CECR2: variants seen among roughly 807,000 people sequenced by gnomAD.
CECR2 encodes the protein CECR2 histone acetyl-lysine reader, also known as chromatin remodeling regulator CECR2.
CECR2 carries 30 observed loss-of-function variants against 154.5 expected under a neutral mutation model. That is an observed-to-expected ratio of 0.19 (90% CI 0.15 to 0.26). The LOEUF is 0.26. CECR2 is among the 10% of genes least tolerant of loss of function. The pLI, the probability that CECR2 is intolerant of heterozygous loss-of-function variation, is 1.00. For missense variants in CECR2, 1,743 were observed against 1,829.3 expected, an observed-to-expected ratio of 0.95 and a Z score of 0.86; for synonymous variants, 725 against 683.7, an observed-to-expected ratio of 1.06 and a Z score of -0.94.
intron 1 of CECR2, among the ~76,000 whole-genome samples, chr22:17,454,836 TAAAG>T (rs1319811709): frequency 6.6e-6 from 1 of 152,188 alleles, no homozygotes; most frequent in African/African-American, 2.4e-5. Context: ...CCTGGTGCCA[TAAAG>T]AAATAGCACT....
chr22:17,543,027 C>A, intron 16 of CECR2, 24 bp downstream of exon 16: 1 of 1,562,472 alleles, frequency 6.4e-7, no homozygotes, highest in Non-Finnish European at 8.7e-7. Flanking sequence ...TCACTTTGGG[C>A]TCTTTAAGCT....
intron 1 of CECR2, among the ~76,000 whole-genome samples, chr22:17,403,360 G>T (rs771260504): frequency 2.6e-5 from 4 of 151,916 alleles, no homozygotes; most frequent in Non-Finnish European, 4.4e-5. Flanking sequence ...TTTTTGTTTG[G>T]GGCTATTATA....
intron 2 of CECR2, among the ~76,000 whole-genome samples, chr22:17,482,941 A>G (rs1264026487): frequency 6.6e-6 from 1 of 152,102 alleles, no homozygotes; most frequent in Non-Finnish European, 1.5e-5. Flanking sequence ...TTGGCCTCCC[A>G]AAGTGCTGGG....
At chr22:17,547,553 A>C (rs574958729) in intron 16 of CECR2, among the ~76,000 whole-genome samples, 1 of 152,196 alleles carries the variant, frequency 6.6e-6, no homozygotes, top group South Asian at 2.1e-4. Flanking sequence ...TTTGAGTTTC[A>C]TGTTGTAGGC....
chr22:17,522,625 C>T (rs947802247), intron 8 of CECR2, among the ~76,000 whole-genome samples: 2 of 152,124 alleles, frequency 1.3e-5, no homozygotes, highest in African/African-American at 4.8e-5. Flanking sequence ...TTATTTTTGT[C>T]CCTCCTGTTC....
intron 1 of CECR2, among the ~76,000 whole-genome samples, chr22:17,377,856 A>C (rs1337963737): frequency 1.3e-5 from 2 of 152,236 alleles, no homozygotes; most frequent in Non-Finnish European, 2.9e-5. Context: ...ATGATTGGAA[A>C]GTAAGAGTGA....
At chr22:17,362,889 G>A (rs1161659533) in intron 1 of CECR2, among the ~76,000 whole-genome samples, 1 of 113,588 alleles carries the variant, frequency 8.8e-6, no homozygotes, top group Admixed American at 1.1e-4. Context: ...GCGACAGAGC[G>A]AAACTCCGTC....
intron 1 of CECR2, among the ~76,000 whole-genome samples, chr22:17,414,576 T>TA (rs1355091730): frequency 1.3e-5 from 2 of 151,974 alleles, no homozygotes. Flanking sequence ...GCAGGTTTGT[T>TA]ACATATGTAT....
At chr22:17,390,706 T>C (rs2063317026) in intron 1 of CECR2, among the ~76,000 whole-genome samples, 1 of 152,186 alleles carries the variant, frequency 6.6e-6, no homozygotes, top group African/African-American at 2.4e-5. Context: ...GGCACCATCA[T>C]AGCTCAGCAG....
At chr22:17,545,030 A>T (rs958955077) in intron 16 of CECR2, among the ~76,000 whole-genome samples, 7 of 152,052 alleles carry the variant, frequency 4.6e-5, no homozygotes, top group African/African-American at 1.7e-4. Context: ...ACCTGGATTT[A>T]TTAAGAATGG....
At chr22:17,492,653 C>T (rs527880633) in intron 2 of CECR2, among the ~76,000 whole-genome samples, 3 of 152,020 alleles carry the variant, frequency 2.0e-5, no homozygotes, top group East Asian at 1.9e-4. Flanking sequence ...AAAATGAATG[C>T]GAAAATGGGT....
Position 17,548,932 on chromosome 22 carries a change from T to C in CECR2, c.3645T>C (p.Pro1215=). The part of the protein sequence containing the change: ...CPQSFSDWQR[P]LHPQGSPSGP... ...AGAGCTTTTCTGACTGGCAGAGACCTCTCCATCCCCAGGGAAGCCCAAGCG... is the reference window on the plus strand; with the variant it reads ...AGAGCTTTTCTGACTGGCAGAGACCCCTCCATCCCCAGGGAAGCCCAAGCG... Residue 1215 remains proline, a synonymous_variant, in exon 17 of 19, where the codon CCT becomes CCC. Transcript: ENST00000262608. The C allele has an allele frequency of 6.2e-7, 1 of 1,613,756 alleles. No individual in the cohort carries two copies. Among genetic ancestry groups the C allele is most frequent in the East Asian group, 2.2e-5 (1 of 44,870 alleles).
At chr22:17,445,338 GA>G (rs1410462613) in intron 1 of CECR2, among the ~76,000 whole-genome samples, 1 of 151,964 alleles carries the variant, frequency 6.6e-6, no homozygotes, top group Non-Finnish European at 1.5e-5. Context: ...CCTGCCTCTA[GA>G]AAATAATAAA....
intron 9 of CECR2, among the ~76,000 whole-genome samples, chr22:17,535,760 A>G (rs1207212238): frequency 1.3e-5 from 2 of 152,078 alleles, no homozygotes; most frequent in African/African-American, 4.8e-5. Context: ...AAAATTTAAA[A>G]TTTTTCTTAA....
At chr22:17,442,154 C>T (rs1002423357) in intron 1 of CECR2, among the ~76,000 whole-genome samples, 41 of 148,836 alleles carry the variant, frequency 2.8e-4, no homozygotes, top group African/African-American at 3.8e-4. Flanking sequence ...CAGAAAAAAC[C>T]GCAAAACAAG....
In CECR2 at chr22:17,440,550, CTTA is replaced by C. The variant is rs373160591; in HGVS notation, c.127-37033_127-37031del. On this transcript the variant is annotated intron_variant, in intron 1 of 18. Coordinates refer to ENST00000262608, the MANE Select transcript of CECR2 (RefSeq NM_001290047.2). ...AGTGGAATTCAGGTCTGTCCTTACA[CTTA>C]TTATGATATCCCACACTGTCTATTC... is the stretch of plus-strand genomic sequence containing the variant. 4.3e-3 allele frequency among the ~76,000 whole-genome samples: 650 copies of C among 152,286 alleles called. 3 individuals carry two copies. The highest frequency in any genetic ancestry group is 0.015 in the African/African-American group (623 of 41,556).
intron 16 of CECR2, among the ~76,000 whole-genome samples, chr22:17,545,405 C>T (rs1323287935): frequency 2.2e-5 from 3 of 133,912 alleles, no homozygotes; most frequent in African/African-American, 8.6e-5. Context: ...AAAGAAATGC[C>T]GTTTAAGAGG....
chr22:17,480,459 C>CAGAG lies in CECR2; in HGVS notation c.221+2779_221+2782dup, dbSNP rs1555915343. ...ACACACACACACACACACACACACA[C>CAGAG]AGAGAAAAGTGCTCATTTCCTAATT... On this transcript the variant is annotated intron_variant, in intron 2 of 18. Transcript: ENST00000262608. Among the ~76,000 whole-genome samples, 312 of 143,792 alleles carry CAGAG rather than the reference C, an allele frequency of 2.2e-3. 3 individuals carry two copies. The highest frequency in any genetic ancestry group is 3.5e-3 in the Middle Eastern group (1 of 286). The allele number at this position is 143,792 out of a possible 152,430, so 94.3% of individuals were successfully genotyped here.
intron 9 of CECR2, among the ~76,000 whole-genome samples, chr22:17,530,408 TCACGCCTGTAATCC>T (rs1435531696): frequency 4.0e-5 from 6 of 151,686 alleles, no homozygotes; most frequent in Non-Finnish European, 8.8e-5. Flanking sequence ...GCGCGGTGGC[TCACGCCTGTAATCC>T]CAGCACTTTG....
Sources: allele counts gnomAD v4.1 joint callset (sites outside exome capture counted in the v4.1 genomes callset), GRCh38; gene constraint gnomAD v4.1.1; transcripts MANE v1.5; gene names NCBI Gene and HGNC (gene_info 2026-07-23, HGNC 2026-07-21).